Variants in SNX29 observed in about 807,000 individuals in gnomAD.
SNX29 encodes sorting nexin-29.
Under a neutral mutation model 102.1 loss-of-function variants are expected in SNX29, and 78 were observed. That is an observed-to-expected ratio of 0.76 (90% CI 0.64 to 0.92). SNX29 has a LOEUF of 0.92. Among genes scored for constraint, SNX29 ranks in the 40% least tolerant of loss-of-function variants. The probability of loss-of-function intolerance (pLI) is 0.00; values close to 1 mark genes in which losing one functional copy is unlikely to be tolerated. For synonymous variants in SNX29, 580 were observed against 414.5 expected (o/e 1.40, Z -4.85); for missense variants, 1,280 against 1,061.7 (o/e 1.21, Z -2.86).
chr16:12,151,429 C>T (rs1464754587), intron 13 of SNX29, among the ~76,000 whole-genome samples: 1 of 152,188 alleles, frequency 6.6e-6, no homozygotes, highest in Non-Finnish European at 1.5e-5. Context: ...TAAGTCAGCT[C>T]ATGCCATTCT....
At chr16:12,266,840 T>G (rs934827742) in intron 14 of SNX29, among the ~76,000 whole-genome samples, 24 of 152,152 alleles carry the variant, frequency 1.6e-4, no homozygotes, top group Non-Finnish European at 2.8e-4. Context: ...CTCAGCTCAC[T>G]CCAACCTCTG....
chr16:12,300,902 C>G (rs1361936586), intron 15 of SNX29, among the ~76,000 whole-genome samples: 2 of 152,110 alleles, frequency 1.3e-5, no homozygotes, highest in East Asian at 1.9e-4. Flanking sequence ...AAAAATGTCT[C>G]TCGACATTCC....
chr16:12,334,259 C>T (rs970844380), intron 15 of SNX29, among the ~76,000 whole-genome samples: 2 of 152,260 alleles, frequency 1.3e-5, no homozygotes, highest in East Asian at 1.9e-4. Flanking sequence ...CCAAGGAACT[C>T]GCTTAGCTTG....
chr16:12,530,273 G>C lies in SNX29; in HGVS notation c.2318+5432G>C, dbSNP rs1207648558. Among the ~76,000 whole-genome samples, 3 of 152,302 alleles carry C rather than the reference G, an allele frequency of 2.0e-5. No individual in the cohort carries two copies. The East Asian group carries it at 5.8e-4, about 29-fold the overall frequency. On this transcript the variant is annotated intron_variant, in intron 20 of 20. Coordinates refer to ENST00000566228, the MANE Select transcript of SNX29 (RefSeq NM_032167.5). Reference sequence around the variant, plus strand: ...CTTTTAGAACAGCGCATCACACATAGTAAGCACTGTATGTGTGTCACTGTT... The same window carrying C: ...CTTTTAGAACAGCGCATCACACATACTAAGCACTGTATGTGTGTCACTGTT...
intron 13 of SNX29, among the ~76,000 whole-genome samples, chr16:12,169,376 C>T (rs2076092391): frequency 6.6e-6 from 1 of 152,146 alleles, no homozygotes; most frequent in African/African-American, 2.4e-5. Context: ...TGGGTGGGAG[C>T]TGATCACGGG....
At chr16:12,412,423 C>T (rs774791229) in intron 18 of SNX29, among the ~76,000 whole-genome samples, 1 of 152,236 alleles carries the variant, frequency 6.6e-6, no homozygotes, top group Non-Finnish European at 1.5e-5. Flanking sequence ...GAAAGGAATT[C>T]TGTCACTCTC....
chr16:12,410,295 C>T (rs373817730), intron 18 of SNX29, among the ~76,000 whole-genome samples: 35 of 152,164 alleles, frequency 2.3e-4, no homozygotes, highest in African/African-American at 8.4e-4. Context: ...CGCCTGGCCG[C>T]GTTTTTTTCT....
rs2079210892 is a variant in SNX29, at chr16:12,572,591, C to T, written c.*3962C>T. The T allele has an allele frequency of 7.5e-6, 8 of 1,064,074 alleles. No homozygotes were observed. Among genetic ancestry groups the T allele is most frequent in the South Asian group, 9.1e-5 (2 of 21,976 alleles). The allele number at this position is 1,064,074 out of a possible 1,614,324, so 65.9% of individuals were successfully genotyped here. On this transcript the variant is annotated 3_prime_UTR_variant, in exon 21 of 21. Coordinates refer to ENST00000566228, the MANE Select transcript of SNX29 (RefSeq NM_032167.5). ...GGTCCAGCCATGTTCTCTGGGCTCC[C>T]AGTGAGCCCCCTCCCCTCCGGCTAC... is the stretch of plus-strand genomic sequence containing the variant.
intron 14 of SNX29, among the ~76,000 whole-genome samples, chr16:12,274,607 G>A (rs981068210): frequency 1.3e-5 from 2 of 151,042 alleles, no homozygotes; most frequent in African/African-American, 4.9e-5. Flanking sequence ...TGCCATCTCA[G>A]TTCACTGCAA....
In SNX29 at chr16:12,017,913, GTTCT is replaced by G. The variant is rs370616620; in HGVS notation, c.123-9404_123-9401del. ...GGGTGGGGGGGCTTTCTTTTGTTTT[GTTCT>G]TTTTTTTGAGACGAAGTCTCTCTCG... On this transcript the variant is annotated intron_variant, in intron 3 of 20. Coordinates refer to ENST00000566228, the MANE Select transcript of SNX29 (RefSeq NM_032167.5). Among the ~76,000 whole-genome samples the G allele has an allele frequency of 1.0e-3, 158 of 151,988 alleles. 1 individual carries two copies. Among genetic ancestry groups the G allele is most frequent in the African/African-American group, 3.7e-3 (155 of 41,460 alleles).
At chr16:12,068,497 CAAAA>C (rs150995842) in intron 9 of SNX29, among the ~76,000 whole-genome samples, 3 of 87,464 alleles carry the variant, frequency 3.4e-5, no homozygotes, top group African/African-American at 4.8e-5. Context: ...GACCCTGTCT[CAAAA>C]AAAAAAAAAA....
chr16:12,058,450 G>T (rs1454054112), intron 8 of SNX29, among the ~76,000 whole-genome samples: 2 of 150,974 alleles, frequency 1.3e-5, no homozygotes, highest in Non-Finnish European at 2.9e-5. Context: ...TCATTTTGAG[G>T]CAGTAGCCCT....
intron 18 of SNX29, among the ~76,000 whole-genome samples, chr16:12,414,157 G>A (rs2084527418): frequency 6.6e-6 from 1 of 152,162 alleles, no homozygotes; most frequent in African/African-American, 2.4e-5. Flanking sequence ...TGTAATCTGT[G>A]GTCGGTTGAA....
chr16:12,157,979 T>C (rs2055624438), intron 13 of SNX29, among the ~76,000 whole-genome samples: 1 of 152,182 alleles, frequency 6.6e-6, no homozygotes, highest in South Asian at 2.1e-4. Context: ...ATCCCAGACT[T>C]GTATTATAAT....
At chr16:12,526,686 C>T (rs1471884398) in intron 20 of SNX29, 2 of 501,718 alleles carry the variant, frequency 4.0e-6, no homozygotes, top group East Asian at 8.0e-5. Flanking sequence ...ACTGAATTCC[C>T]TGGTGAAAAC....
At chr16:12,460,214 C>T (rs1210362985) in intron 18 of SNX29, among the ~76,000 whole-genome samples, 1 of 152,226 alleles carries the variant, frequency 6.6e-6, no homozygotes, top group Admixed American at 6.5e-5. Flanking sequence ...CGGCTCGCAG[C>T]CAGACGCAGC....
chr16:12,565,581 A>C (rs1372644923), intron 20 of SNX29, among the ~76,000 whole-genome samples: 1 of 151,846 alleles, frequency 6.6e-6, no homozygotes, highest in African/African-American at 2.4e-5. Flanking sequence ...TCACACCCTC[A>C]ACCACAGCAG....
Position 12,569,949 on chromosome 16 carries a change from CGGTT to C in SNX29, c.*1321_*1324del, listed in dbSNP as rs1295941842. ...GAGGAGAAAAGCAGGTGGAAGGTGA[CGGTT>C]AGATGGTAAGCCATGGGCTTGTCCT... is the stretch of plus-strand genomic sequence containing the variant. On this transcript the variant is annotated 3_prime_UTR_variant, in exon 21 of 21. Coordinates refer to ENST00000566228, the MANE Select transcript of SNX29 (RefSeq NM_032167.5). 1.7e-5 allele frequency: 4 copies of C among 233,894 alleles called. No individual in the cohort carries two copies. The highest frequency in any genetic ancestry group is 6.6e-5 in the African/African-American group (3 of 45,268). 14.5% of individuals were successfully genotyped at this position (233,894 alleles called of 1,614,324 possible).
At chr16:12,276,462 G>A (rs1366288963) in intron 14 of SNX29, among the ~76,000 whole-genome samples, 2 of 152,120 alleles carry the variant, frequency 1.3e-5, no homozygotes, top group East Asian at 3.9e-4. Flanking sequence ...CATCAGTTTT[G>A]ACTCCTGGTT....
Sources: gnomAD v4.1 joint callset for allele counts (sites outside exome capture counted in the v4.1 genomes callset) on GRCh38, gnomAD v4.1.1 for gene constraint, MANE v1.5 for transcripts, NCBI Gene and HGNC (gene_info 2026-07-23, HGNC 2026-07-21) for gene names.